ADAMTSL1: variants seen among roughly 807,000 people sequenced by gnomAD.
ADAMTSL1 encodes the protein ADAMTS like 1, also known as ADAMTS-like protein 1.
ADAMTSL1 carries 126 observed loss-of-function variants against 201.8 expected under a neutral mutation model. The ratio of observed to expected loss-of-function variants is 0.62; its 90% CI spans 0.54 to 0.72. ADAMTSL1 has a LOEUF of 0.72. Ranked by LOEUF, ADAMTSL1 falls within the 30% of genes least tolerant of loss-of-function variation. The pLI is 0.00. For missense variants in ADAMTSL1, 2,679 were observed against 2,277.8 expected (o/e 1.18, Z -3.59); for synonymous variants, 1,121 against 903.4 (o/e 1.24, Z -4.32).
intron 13 of ADAMTSL1, among the ~76,000 whole-genome samples, chr9:18,698,936 T>G (rs1831747727): frequency 6.6e-6 from 1 of 152,146 alleles, no homozygotes; most frequent in Non-Finnish European, 1.5e-5. Flanking sequence ...TAATGTCTTG[T>G]CTAGAACCAT....
At chr9:18,338,107 G>A (rs558614371) in intron 2 of ADAMTSL1, among the ~76,000 whole-genome samples, 11 of 152,166 alleles carry the variant, frequency 7.2e-5, no homozygotes, top group Admixed American at 2.6e-4. Context: ...TACCTCAACC[G>A]GGCCCTCAGA....
At chr9:18,877,724 G>T (rs1006290671) in intron 23 of ADAMTSL1, among the ~76,000 whole-genome samples, 1 of 152,168 alleles carries the variant, frequency 6.6e-6, no homozygotes, top group African/African-American at 2.4e-5. Context: ...GCCAGGAGGT[G>T]GCACTTTCAA....
intron 5 of ADAMTSL1, among the ~76,000 whole-genome samples, chr9:18,632,344 G>A (rs1254820243): frequency 2.0e-5 from 3 of 152,058 alleles, no homozygotes; most frequent in Non-Finnish European, 4.4e-5. Flanking sequence ...TTTGTTTTTT[G>A]TTAAATTAAG....
At chr9:18,065,957 C>T (rs1431637554) in intron 1 of ADAMTSL1, among the ~76,000 whole-genome samples, 1 of 105,528 alleles carries the variant, frequency 9.5e-6, no homozygotes, top group Non-Finnish European at 1.8e-5. Flanking sequence ...ACTCCAGCTT[C>T]AGCTTGGGAC....
intron 14 of ADAMTSL1, among the ~76,000 whole-genome samples, chr9:18,721,243 C>T (rs775662385): frequency 6.6e-6 from 1 of 152,186 alleles, no homozygotes; most frequent in South Asian, 2.1e-4. Context: ...GCATTAGCCT[C>T]GTGGCATTTT....
intron 1 of ADAMTSL1, among the ~76,000 whole-genome samples, chr9:17,988,852 C>T (rs879461222): frequency 4.6e-5 from 7 of 151,842 alleles, no homozygotes; most frequent in Non-Finnish European, 7.4e-5. Flanking sequence ...TCATCTTGAT[C>T]TGGTTTAGTG....
chr9:18,185,222 C>T (rs538747602), intron 2 of ADAMTSL1, among the ~76,000 whole-genome samples: 27 of 152,242 alleles, frequency 1.8e-4, no homozygotes, highest in African/African-American at 6.5e-4. Flanking sequence ...GGATATTATT[C>T]CTCTGATGAT....
chr9:18,886,691 T>C (rs1429565464), intron 23 of ADAMTSL1, among the ~76,000 whole-genome samples: 2 of 152,196 alleles, frequency 1.3e-5, no homozygotes, highest in Non-Finnish European at 2.9e-5. Context: ...GCCTCTTTTA[T>C]GGGGACACTA....
intron 1 of ADAMTSL1, among the ~76,000 whole-genome samples, chr9:18,102,114 T>A (rs1824553945): frequency 6.6e-6 from 1 of 152,232 alleles, no homozygotes; most frequent in South Asian, 2.1e-4. Flanking sequence ...TTTTTGAATA[T>A]ACTAGAGATA....
intron 1 of ADAMTSL1, among the ~76,000 whole-genome samples, chr9:18,071,353 G>GCT (rs1822955623): frequency 1.3e-5 from 2 of 152,178 alleles, no homozygotes; most frequent in African/African-American, 4.8e-5. Context: ...GTGTGTGTCT[G>GCT]TCTGTTCCTT....
chr9:18,403,376 G>T (rs1006049359), intron 2 of ADAMTSL1, among the ~76,000 whole-genome samples: 1 of 151,898 alleles, frequency 6.6e-6, no homozygotes, highest in Non-Finnish European at 1.5e-5. Context: ...TAGAGAGGGG[G>T]CTTCACCATA....
At chr9:18,686,749 T>C (rs1417866165) in intron 13 of ADAMTSL1, among the ~76,000 whole-genome samples, 1 of 152,202 alleles carries the variant, frequency 6.6e-6, no homozygotes, top group African/African-American at 2.4e-5. Context: ...TGGAAACATC[T>C]TACATCGATA....
intron 3 of ADAMTSL1, among the ~76,000 whole-genome samples, chr9:18,567,533 A>G (rs1471192092): frequency 6.6e-6 from 1 of 152,168 alleles, no homozygotes; most frequent in Non-Finnish European, 1.5e-5. Context: ...CAGGGAGAAC[A>G]GATTTCATGG....
chr9:18,524,417 T>C (rs1253462722), intron 2 of ADAMTSL1, among the ~76,000 whole-genome samples: 2 of 152,292 alleles, frequency 1.3e-5, no homozygotes, highest in South Asian at 2.1e-4. Flanking sequence ...CTTTTCCTAA[T>C]TGAATACCCT....
intron 21 of ADAMTSL1, among the ~76,000 whole-genome samples, chr9:18,819,340 C>G (rs959879808): frequency 2.0e-5 from 3 of 151,828 alleles, no homozygotes; most frequent in African/African-American, 7.3e-5. Flanking sequence ...CCTGTAATCA[C>G]AGCTACTCAG....
chr9:18,606,692 C>A (rs971819899), intron 4 of ADAMTSL1, among the ~76,000 whole-genome samples: 34 of 152,142 alleles, frequency 2.2e-4, no homozygotes, highest in Non-Finnish European at 8.8e-5. Flanking sequence ...GTTTTACAGG[C>A]TTCACGAACT....
chr9:18,476,478 T>C (rs1239108642), intron 1 of ADAMTSL1, among the ~76,000 whole-genome samples: 1 of 152,172 alleles, frequency 6.6e-6, no homozygotes, highest in Non-Finnish European at 1.5e-5. Context: ...ATTAAAGATA[T>C]GTACAATATC....
At chr9:18,137,558 G>A (rs1255676521) in intron 1 of ADAMTSL1, among the ~76,000 whole-genome samples, 3 of 152,140 alleles carry the variant, frequency 2.0e-5, no homozygotes, top group Admixed American at 2.0e-4. Flanking sequence ...TAAAGTGGGT[G>A]ATGGAATTTT....
At chr9:18,345,988 TG>T in intron 2 of ADAMTSL1, among the ~76,000 whole-genome samples, 1 of 152,088 alleles carries the variant, frequency 6.6e-6, no homozygotes, top group East Asian at 1.9e-4. Context: ...GGCCCTCTCA[TG>T]TTGCTCCTTT....
Sources: gnomAD v4.1 joint callset for allele counts (sites outside exome capture counted in the v4.1 genomes callset) on GRCh38, gnomAD v4.1.1 for gene constraint, MANE v1.5 for transcripts, NCBI Gene and HGNC (gene_info 2026-07-23, HGNC 2026-07-21) for gene names.